ZFHX3: variants seen among roughly 807,000 people sequenced by gnomAD.
ZFHX3 encodes zinc finger homeobox protein 3.
In ZFHX3, 42 loss-of-function variants were observed where a neutral mutation model predicts 279.1. The observed-to-expected ratio is 0.15, with a 90% CI of 0.12 to 0.19. The LOEUF (loss-of-function observed/expected upper bound fraction) is 0.19, where lower values mean the gene tolerates loss of function less well. ZFHX3 is among the 10% of genes least tolerant of loss of function. ZFHX3 has a pLI of 1.00. For missense variants in ZFHX3, 4,981 were observed against 4,754.0 expected (o/e 1.05, Z -1.40); for synonymous variants, 2,293 against 1,957.8 (o/e 1.17, Z -4.52).
chr16:73,615,175 G>T (rs1246972547), intron 2 of ZFHX3, among the ~76,000 whole-genome samples: 1 of 151,912 alleles, frequency 6.6e-6, no homozygotes, highest in Non-Finnish European at 1.5e-5. Flanking sequence ...ACACAATGAG[G>T]GGCCCCGGGC....
chr16:73,843,879 T>G (rs1380627868), intron 1 of ZFHX3, among the ~76,000 whole-genome samples: 4 of 152,248 alleles, frequency 2.6e-5, no homozygotes, highest in Non-Finnish European at 4.4e-5. Flanking sequence ...GTGGCTGTGT[T>G]TCAATAAAAC....
intron 1 of ZFHX3, among the ~76,000 whole-genome samples, chr16:73,054,891 ACTCT>A (rs752474328): frequency 5.3e-5 from 8 of 151,864 alleles, no homozygotes; most frequent in East Asian, 1.9e-4. Flanking sequence ...ACCCCTGCCA[ACTCT>A]CTCTCTCTAA....
At chr16:73,235,946 T>C (rs1360967990) in intron 5 of ZFHX3, among the ~76,000 whole-genome samples, 1 of 152,182 alleles carries the variant, frequency 6.6e-6, no homozygotes, top group East Asian at 1.9e-4. Flanking sequence ...GCTGGGATTA[T>C]AGGCGTGAGC....
intron 5 of ZFHX3, among the ~76,000 whole-genome samples, chr16:72,827,106 A>C (rs2036951902): frequency 6.6e-6 from 1 of 152,198 alleles, no homozygotes; most frequent in Non-Finnish European, 1.5e-5. Flanking sequence ...TAGTGCCCTT[A>C]GCACACAAAA....
intron 1 of ZFHX3, among the ~76,000 whole-genome samples, chr16:72,964,243 A>G (rs1434192320): frequency 6.6e-6 from 1 of 152,248 alleles, no homozygotes; most frequent in Non-Finnish European, 1.5e-5. Flanking sequence ...CAATGCATGG[A>G]GATTTAAGTT....
intron 3 of ZFHX3, among the ~76,000 whole-genome samples, chr16:73,447,162 C>G (rs1008247858): frequency 3.7e-5 from 5 of 135,270 alleles, no homozygotes; most frequent in African/African-American, 1.4e-4. Flanking sequence ...GCCTGGGCAA[C>G]AGAGCAAGAC....
intron 1 of ZFHX3, among the ~76,000 whole-genome samples, chr16:73,054,442 ATTTTTTTTTTT>A (rs34141418): frequency 6.5e-5 from 6 of 91,934 alleles, no homozygotes; most frequent in South Asian, 3.4e-4. Flanking sequence ...AACCAGGAGG[ATTTTTTTTTTT>A]TTTTTTTTTT....
At chr16:73,016,151 C>G (rs1359987042) in intron 1 of ZFHX3, 6 of 152,234 alleles carry the variant, frequency 3.9e-5, no homozygotes, top group Non-Finnish European at 8.8e-5. Flanking sequence ...GCCAGACTAC[C>G]CAACCACTTA....
intron 2 of ZFHX3, among the ~76,000 whole-genome samples, chr16:73,626,554 G>T (rs1018008070): frequency 3.9e-5 from 6 of 152,136 alleles, no homozygotes; most frequent in African/African-American, 1.2e-4. Context: ...CCAGTAAAAA[G>T]AACTCAGTGA....
chr16:73,254,490 G>A (rs1001893729), intron 5 of ZFHX3, among the ~76,000 whole-genome samples: 4 of 152,018 alleles, frequency 2.6e-5, no homozygotes, highest in South Asian at 4.2e-4. Flanking sequence ...ACAAAGATGT[G>A]AGGCTGATGG....
chr16:73,500,743 T>G (rs1306677565), intron 2 of ZFHX3, among the ~76,000 whole-genome samples: 4 of 150,976 alleles, frequency 2.6e-5, no homozygotes, highest in Admixed American at 1.3e-4. Flanking sequence ...AAAATACTTT[T>G]GTATAGCTTA....
chr16:72,837,514 C>T (rs1238487707), intron 4 of ZFHX3, among the ~76,000 whole-genome samples: 7 of 127,538 alleles, frequency 5.5e-5, no homozygotes, highest in East Asian at 4.8e-4. Context: ...GGTCTTTCTT[C>T]GTCACCCAGG....
rs527638736 is a variant in ZFHX3 at position 73,671,753 on chromosome 16, A to G, written c.-1547+8427T>C. On this transcript the variant is annotated intron_variant, in intron 2 of 17. Coordinates refer to the ZFHX3 transcript ENST00000641206. ...TTAAGCCAACTAGTTCCAAATTACT[A>G]CTTTTCCTGGCTTTCCTTGAAGGGG... Among the ~76,000 whole-genome samples the G allele has an allele frequency of 3.9e-5, 6 of 152,328 alleles. No individual in the cohort carries two copies. In the East Asian group the frequency reaches 1.2e-3, roughly 29 times the overall value.
Position 72,958,300 on chromosome 16 carries a change from A to C in ZFHX3, c.1846T>G (p.Phe616Val). The change falls in exon 2 of 10, where the codon TTC (phenylalanine) becomes GTC (valine). Residue 616 changes from phenylalanine (F) to valine (V), a missense_variant. This residue lies in a region of ZFHX3 where 1,068 missense variants were observed against 935.2 expected (regional missense o/e 1.14). Coordinates refer to ENST00000268489, the MANE Select transcript of ZFHX3 (RefSeq NM_006885.4). Reference sequence around the variant, plus strand: ...CCAGCGTGCTGGTGATGGGGAACGAAGCCCCCATCGTCACCCTCTGTGCTT... The same window carrying C: ...CCAGCGTGCTGGTGATGGGGAACGACGCCCCCATCGTCACCCTCTGTGCTT... ...NESTEGDDGG[F>V]VPHHQHAGSL... The C allele has an allele frequency of 1.2e-6, 2 of 1,613,978 alleles. No individual in the cohort carries two copies. Among genetic ancestry groups the C allele is most frequent in the Non-Finnish European group, 8.5e-7 (1 of 1,179,850 alleles).
rs1156523996 is a variant in ZFHX3 at position 73,170,223 on chromosome 16, G to GTTTTTTTTTTTTTTTTTTTTTTTTT, written c.-1103-26417_-1103-26393dup. On this transcript the variant is annotated intron_variant, in intron 5 of 17. Coordinates refer to the ZFHX3 transcript ENST00000641206. ...TTTTTGAAGCATCTTCCTTTCACTA[G>GTTTTTTTTTTTTTTTTTTTTTTTTT]TTTTTTTTTTTTTTTTTTTTTTTTT... Among the ~76,000 whole-genome samples the GTTTTTTTTTTTTTTTTTTTTTTTTT allele has an allele frequency of 1.0e-4, 6 of 57,746 alleles. 1 individual carries two copies. The highest frequency in any genetic ancestry group is 9.5e-4 in the South Asian group (1 of 1,052). The allele number at this position is 57,746 out of a possible 152,430, so 37.9% of individuals were successfully genotyped here.
intron 1 of ZFHX3, among the ~76,000 whole-genome samples, chr16:73,868,072 T>C (rs1962074068): frequency 6.6e-6 from 1 of 152,228 alleles, no homozygotes; most frequent in Non-Finnish European, 1.5e-5. Flanking sequence ...TGTCTCTGGT[T>C]GATGCTTTTT....
chr16:73,675,841 G>C (rs2052949113), intron 2 of ZFHX3, among the ~76,000 whole-genome samples: 1 of 151,712 alleles, frequency 6.6e-6, no homozygotes, highest in Non-Finnish European at 1.5e-5. Context: ...CACACACACT[G>C]ACACAGCCTT....
intron 3 of ZFHX3, among the ~76,000 whole-genome samples, chr16:73,337,956 T>C (rs2143248726): frequency 6.6e-6 from 1 of 151,514 alleles, no homozygotes; most frequent in Admixed American, 6.6e-5. Context: ...CTTCCGTTCT[T>C]ACACAGTTTA....
intron 8 of ZFHX3, among the ~76,000 whole-genome samples, chr16:73,071,614 G>C (rs1014385206): frequency 2.0e-5 from 3 of 152,212 alleles, no homozygotes; most frequent in Admixed American, 6.5e-5. Context: ...GGCAGTCCAT[G>C]CAGGTGCCTC....
Sources: allele counts gnomAD v4.1 joint callset (sites outside exome capture counted in the v4.1 genomes callset), GRCh38; gene constraint gnomAD v4.1.1; regional missense constraint gnomAD v4.1.1; transcripts MANE v1.5; gene names NCBI Gene and HGNC (gene_info 2026-07-23, HGNC 2026-07-21).